Variants in PEX5 observed in about 807,000 individuals in gnomAD.
PEX5 encodes PTS1 receptor.
A neutral mutation model predicts 82.9 loss-of-function variants in PEX5; 52 were observed. That is an observed-to-expected ratio of 0.63 (90% CI 0.50 to 0.79). The LOEUF (loss-of-function observed/expected upper bound fraction) is 0.79. Ranked by LOEUF, PEX5 falls within the 30% of genes least tolerant of loss-of-function variation. The probability of loss-of-function intolerance (pLI) is 0.00; values close to 1 mark genes in which losing one functional copy is unlikely to be tolerated. For missense variants in PEX5, 719 were observed against 815.2 expected, an observed-to-expected ratio of 0.88 and a Z score of 1.44; for synonymous variants, 300 against 318.8, an observed-to-expected ratio of 0.94 and a Z score of 0.63.
Position 7,199,106 on chromosome 12 carries a change from G to A in PEX5, c.544G>A (p.Asp182Asn), listed in dbSNP as rs1259656195. The A allele has an allele frequency of 8.2e-6, 13 of 1,576,336 alleles. No homozygotes were observed. Among genetic ancestry groups the A allele is most frequent in the East Asian group, 6.8e-5 (3 of 43,966 alleles). Reference protein sequence around the residue: ...WLGEPEGTATDRWYDEYHPEE... With the variant: ...WLGEPEGTATNRWYDEYHPEE... ...GGGAGAACCTGAGGGAACAGCCACC[G>A]ATCGCTGGTGAGTTCAGATACCTCT... Residue 182 changes from aspartate to asparagine, a missense_variant, in exon 6 of 16, where the codon GAT becomes AAT. Transcript: ENST00000675855.
At chr12:7,199,847 C>T (rs1565695841) in intron 6 of PEX5, among the ~76,000 whole-genome samples, 1 of 127,362 alleles carries the variant, frequency 7.9e-6, no homozygotes, top group Non-Finnish European at 1.7e-5. Context: ...ACCCCCACCT[C>T]CCTCCCGGAC....
intron 1 of PEX5, chr12:7,190,044 T>G: frequency 1.3e-6 from 2 of 1,503,074 alleles, no homozygotes; most frequent in Non-Finnish European, 8.8e-7. Flanking sequence ...GCCTGGTTGT[T>G]GAAGCGTCCC....
chr12:7,209,996 G>C, intron 15 of PEX5, 26 bp from the exon 16 acceptor site: 1 of 1,612,424 alleles, frequency 6.2e-7, no homozygotes, highest in Non-Finnish European at 8.5e-7. Flanking sequence ...CAGCTTAACA[G>C]CTCTCATTCC....
At chr12:7,200,041 C>T (rs1943537568) in intron 6 of PEX5, among the ~76,000 whole-genome samples, 1 of 81,898 alleles carries the variant, frequency 1.2e-5, no homozygotes, top group African/African-American at 3.1e-5. Context: ...CACCTCCCTC[C>T]CGGACGGGGC....
At position 7,210,162 on chromosome 12, in the gene PEX5, A is replaced by G. The variant is rs2136266140; in HGVS notation, c.1859A>G (p.Tyr620Cys). 6.2e-7 allele frequency: 1 copy of G among 1,614,222 alleles called. No individual in the cohort carries two copies. Among genetic ancestry groups the G allele is most frequent in the Non-Finnish European group, 8.5e-7 (1 of 1,180,034 alleles). Residue 620 changes from tyrosine to cysteine, a missense_variant, in exon 16 of 16, where the codon TAT (tyrosine) becomes TGT (cysteine). Transcript: ENST00000675855. The part of the protein sequence containing the change: ...ALSMLGQSDA[Y>C]GAADARDLST... The stretch of plus-strand genomic sequence containing the variant: ...TCTATGTTAGGCCAGAGCGATGCCT[A>G]TGGGGCAGCCGACGCGCGGGATCTG...
chr12:7,210,812 C>T lies in PEX5; in HGVS notation c.*589C>T, dbSNP rs771014883. On this transcript the variant is annotated 3_prime_UTR_variant, in exon 16 of 16. Coordinates refer to ENST00000675855, the MANE Select transcript of PEX5 (RefSeq NM_001351132.2). ...TGGCTGAGCTCTGATTCCCTGTGAG[C>T]ACGATGCTGATGCAATAGTCCTGTG... 51 of 199,836 alleles carry T rather than the reference C, an allele frequency of 2.6e-4. No homozygotes were observed. Among genetic ancestry groups the T allele is most frequent in the Admixed American group, 2.3e-3 (44 of 18,958 alleles). The allele number at this position is 199,836 out of a possible 1,614,324, so 12.4% of individuals were successfully genotyped here. A position where few individuals can be genotyped will look rare whatever the true frequency, so the allele number is the denominator to read the frequency against.
At position 7,210,306 on chromosome 12, in the gene PEX5, C is replaced by T. The variant is rs746098097; in HGVS notation, c.*83C>T. ...ATTCCCTCTCCCCAAATGGGCCTAC[C>T]AAGGGGGCGGGCTGATGACCATAAG... On this transcript the variant is annotated 3_prime_UTR_variant, in exon 16 of 16. Coordinates refer to ENST00000675855, the MANE Select transcript of PEX5 (RefSeq NM_001351132.2). 14 of 1,347,132 alleles carry T rather than the reference C, an allele frequency of 1.0e-5. No homozygotes were observed. In the African/African-American group the frequency reaches 1.9e-4, roughly 18 times the overall value. The allele number at this position is 1,347,132 out of a possible 1,614,324, so 83.4% of individuals were successfully genotyped here.
chr12:7,213,195 A>C (rs1284892824), downstream of PEX5, among the ~76,000 whole-genome samples: 1 of 150,886 alleles, frequency 6.6e-6, no homozygotes, highest in African/African-American at 2.4e-5. Context: ...CAAGCTACCA[A>C]TGACTTTCTT....
downstream of PEX5, among the ~76,000 whole-genome samples, chr12:7,213,604 A>G (rs978588990): frequency 1.1e-4 from 17 of 150,198 alleles, no homozygotes; most frequent in Admixed American, 8.0e-4. Context: ...TACATGTTAG[A>G]CCTAAAACCA....
rs1405011109 is a variant in PEX5 at position 7,201,643 on chromosome 12, A to C, written c.552-108A>C. On this transcript the variant is annotated intron_variant, in intron 6 of 15. Transcript: ENST00000675855. ...GGAGTTTGTAGGTTCTCAACAGGAG[A>C]ATGGAGTTCCCTCACAGGAACTGTC... 9 of 821,264 alleles carry C rather than the reference A, an allele frequency of 1.1e-5. No homozygotes were observed. In the East Asian group the frequency reaches 2.2e-4, roughly 20 times the overall value. 50.9% of individuals were successfully genotyped at this position (821,264 alleles called of 1,614,324 possible).
intron 6 of PEX5, among the ~76,000 whole-genome samples, 186 bp from the exon 7 acceptor site, chr12:7,201,565 A>T (rs1380710488): frequency 6.6e-6 from 1 of 152,182 alleles, no homozygotes; most frequent in African/African-American, 2.4e-5. Flanking sequence ...AGCTAGAAGG[A>T]TGTAGCTAGT....
At chr12:7,196,312 TTAATTA>T (rs1346127604) in intron 5 of PEX5, among the ~76,000 whole-genome samples, 15 of 56,350 alleles carry the variant, frequency 2.7e-4, no homozygotes, top group Non-Finnish European at 4.8e-4. Context: ...CATATATAAT[TTAATTA>T]TATATGTCAT....
At chr12:7,197,181 T>A (rs749986356) in intron 5 of PEX5, among the ~76,000 whole-genome samples, 93 of 110,822 alleles carry the variant, frequency 8.4e-4, no homozygotes, top group African/African-American at 3.1e-3. Flanking sequence ...ATTATATATG[T>A]CATATATAAT....
downstream of PEX5, among the ~76,000 whole-genome samples, chr12:7,216,372 A>T (rs765202318): frequency 1.1e-4 from 17 of 152,214 alleles, no homozygotes; most frequent in Non-Finnish European, 2.5e-4. Context: ...AAGTGATTTA[A>T]ATTTCATTTA....
At chr12:7,189,821 G>T in intron 1 of PEX5, 71 bp downstream of exon 1, 1 of 982,504 alleles carries the variant, frequency 1.0e-6, no homozygotes, top group African/African-American at 1.7e-5. Context: ...GTGGCCTCGC[G>T]GGTCCCAGGG....
chr12:7,216,037 G>A (rs988061721), downstream of PEX5, among the ~76,000 whole-genome samples: 1 of 151,922 alleles, frequency 6.6e-6, no homozygotes, highest in Non-Finnish European at 1.5e-5. Flanking sequence ...GCACGATCTC[G>A]GCTCACTGCA....
intron 17 of PEX5, among the ~76,000 whole-genome samples, chr12:7,217,105 T>A (rs1369267052): frequency 1.3e-5 from 2 of 152,214 alleles, no homozygotes; most frequent in South Asian, 4.1e-4. Context: ...CTATGAACTA[T>A]CAGCCCATGG....
intron 1 of PEX5, chr12:7,190,159 T>G (rs1311240212): frequency 6.7e-7 from 1 of 1,490,804 alleles, no homozygotes; most frequent in African/African-American, 1.4e-5. Flanking sequence ...CTGGAAGCGG[T>G]GGCCTTTGAG....
At chr12:7,199,344 C>A (rs1202964320) in intron 6 of PEX5, among the ~76,000 whole-genome samples, 1 of 150,686 alleles carries the variant, frequency 6.6e-6, no homozygotes, top group Non-Finnish European at 1.5e-5. Flanking sequence ...AGGCAGAGGA[C>A]CCTGCGGCCT....
Sources: allele counts gnomAD v4.1 joint callset (sites outside exome capture counted in the v4.1 genomes callset), GRCh38; gene constraint gnomAD v4.1.1; transcripts MANE v1.5; gene names NCBI Gene and HGNC (gene_info 2026-07-23, HGNC 2026-07-21).